The following RIF1 variants were observed in gnomAD, a reference collection of about 807,000 sequenced individuals.
The protein encoded by RIF1 is telomere-associated protein RIF1.
RIF1 carries 45 observed loss-of-function variants against 247.1 expected under a neutral mutation model. The observed-to-expected ratio is 0.18, with a 90% CI of 0.14 to 0.23. RIF1 has a LOEUF of 0.23. RIF1 is among the 10% of genes least tolerant of loss of function. The pLI, the probability that RIF1 is intolerant of heterozygous loss-of-function variation, is 1.00. For synonymous variants in RIF1, 1,087 were observed against 978.8 expected (o/e 1.11, Z -2.06); for missense variants, 2,967 against 2,862.5 (o/e 1.04, Z -0.83).
At chr2:151,455,467 T>A (rs1455509717) in intron 22 of RIF1, among the ~76,000 whole-genome samples, 1 of 152,220 alleles carries the variant, frequency 6.6e-6, no homozygotes. Flanking sequence ...CTTGGCATGC[T>A]GTTTTGCAAT....
At chr2:151,489,653 T>A (rs2054453688) in intron 9 of RIF1, among the ~76,000 whole-genome samples, 1 of 152,160 alleles carries the variant, frequency 6.6e-6, no homozygotes, top group Admixed American at 6.5e-5. Flanking sequence ...TGCATCAGCG[T>A]CCCAAAGTGC....
chr2:151,473,511 C>A (rs2048732610), intron 34 of RIF1, among the ~76,000 whole-genome samples: 2 of 151,890 alleles, frequency 1.3e-5, no homozygotes, highest in Admixed American at 6.6e-5. Flanking sequence ...AACTCCTGAC[C>A]TCAAGTGATC....
intron 10 of RIF1, chr2:151,498,344 G>A: frequency 6.5e-7 from 1 of 1,548,776 alleles, no homozygotes; most frequent in South Asian, 1.2e-5. Context: ...GGTTTTCTTT[G>A]TATAGCACCT....
At chr2:151,439,993 A>AAAAAT in intron 14 of RIF1, 34 bp from the exon 15 acceptor site, 1 of 881,134 alleles carries the variant, frequency 1.1e-6, no homozygotes, top group South Asian at 1.5e-5. Context: ...AAAAAAAAAA[A>AAAAAT]AAGAACTATA....
chr2:151,532,580 AG>A, the RIF1 span, among the ~76,000 whole-genome samples: 3 of 152,130 alleles, frequency 2.0e-5, no homozygotes, highest in East Asian at 5.8e-4. Context: ...CAACTATTTG[AG>A]GATCATATAA....
In RIF1 at chr2:151,456,573, C is replaced by T. The variant is rs759038710; in HGVS notation, c.2610-5C>T. Reference sequence around the variant, plus strand: ...ATAAATGGTATTCTATTTTATCCTTCCTAGGCTTGATGAAGTTCCTAAAGT... The same window carrying T: ...ATAAATGGTATTCTATTTTATCCTTTCTAGGCTTGATGAAGTTCCTAAAGT... On this transcript the variant is annotated splice_region_variant and splice_polypyrimidine_tract_variant and intron_variant, in intron 22 of 35. Transcript: ENST00000444746. The T allele has an allele frequency of 2.0e-6, 3 of 1,496,534 alleles. No individual in the cohort carries two copies. The Admixed American group carries it at 5.4e-5, about 27-fold the overall frequency. 92.7% of individuals were successfully genotyped at this position (1,496,534 alleles called of 1,614,324 possible). A position where few individuals can be genotyped will look rare whatever the true frequency, so the allele number is the denominator to read the frequency against.
rs2049153966 is a variant in RIF1, at chr2:151,481,187, G to A, written c.*6116G>A. 1.3e-5 allele frequency: 2 copies of A among 152,194 alleles called. No individual in the cohort carries two copies. The highest frequency in any genetic ancestry group is 4.1e-4 in the South Asian group (2 of 4,828). The allele number at this position is 152,194 out of a possible 1,614,324, so 9.4% of individuals were successfully genotyped here. On this transcript the variant is annotated 3_prime_UTR_variant, in exon 36 of 36. Transcript: ENST00000444746. ...AATCCCTTTTATGGAGGAAGGTTTT[G>A]CTCATGCATGGCATGTTAGTCAATT... is the stretch of plus-strand genomic sequence containing the variant.
the RIF1 span, chr2:151,526,110 G>C: frequency 6.2e-7 from 1 of 1,611,320 alleles, no homozygotes; most frequent in African/African-American, 1.3e-5. Context: ...ATCTGCCTGG[G>C]GCGTTCTCCC....
chr2:151,461,656 T>C (rs902610576), intron 27 of RIF1, among the ~76,000 whole-genome samples: 5 of 152,072 alleles, frequency 3.3e-5, no homozygotes, highest in Non-Finnish European at 7.4e-5. Context: ...CCTCCCAAAG[T>C]GCTGGGATTA....
At chr2:151,411,381 T>TG (rs1371023634) in intron 3 of RIF1, 43 bp downstream of exon 3, 2 of 1,284,500 alleles carry the variant, frequency 1.6e-6, no homozygotes, top group Non-Finnish European at 2.2e-6. Flanking sequence ...TTTGGTAGTT[T>TG]GGTTTTTTTT....
At chr2:151,489,338 A>G (rs1243829519) in intron 9 of RIF1, among the ~76,000 whole-genome samples, 1 of 152,192 alleles carries the variant, frequency 6.6e-6, no homozygotes, top group Non-Finnish European at 1.5e-5. Flanking sequence ...CCATTTCTAT[A>G]TATATTAATA....
intron 13 of RIF1, among the ~76,000 whole-genome samples, chr2:151,437,704 T>C (rs1035545180): frequency 7.2e-5 from 11 of 152,048 alleles, no homozygotes; most frequent in African/African-American, 2.7e-4. Flanking sequence ...ATAAAAAATA[T>C]GAAGATAAAA....
At chr2:151,518,863 C>G in the RIF1 span, 7 of 723,462 alleles carry the variant, frequency 9.7e-6, no homozygotes, top group Non-Finnish European at 1.7e-5. Flanking sequence ...TGTAATAAAT[C>G]TAGGGTATCA....
intron 8 of RIF1, among the ~76,000 whole-genome samples, chr2:151,427,077 C>CTG (rs1348404771): frequency 2.0e-5 from 3 of 146,964 alleles, no homozygotes; most frequent in African/African-American, 7.5e-5. Context: ...TTTTCTAAAC[C>CTG]TTTTTTTTTT....
At position 151,474,015 on chromosome 2, in the gene RIF1, A is replaced by G. The variant is rs769617850; in HGVS notation, c.7147A>G (p.Thr2383Ala). The change falls in exon 35 of 36, where the codon ACA (threonine) becomes GCA (alanine). Residue 2383 changes from threonine (T) to alanine (A), a missense_variant. This residue lies in a region of RIF1 where 151 missense variants were observed against 163.4 expected (regional missense o/e 0.92). Transcript: ENST00000444746. ...EIPVFDISEK[T>A]VNGIENKSLS... ...TCCAGTTTTTGATATTTCTGAAAAA[A>G]CAGTAAATGGAATAGAAAATAAATC... is the stretch of plus-strand genomic sequence containing the variant. 6.3e-7 allele frequency: 1 copy of G among 1,597,368 alleles called. No individual in the cohort carries two copies. The highest frequency in any genetic ancestry group is 8.6e-7 in the Non-Finnish European group (1 of 1,166,030).
At chr2:151,427,749 G>A (rs920392060) in intron 8 of RIF1, among the ~76,000 whole-genome samples, 3 of 149,386 alleles carry the variant, frequency 2.0e-5, no homozygotes, top group Admixed American at 6.8e-5. Flanking sequence ...GGCCAGCATG[G>A]CAAAACCTTG....
rs2152568703 is a variant in RIF1 at position 151,482,063 on chromosome 2, T to C, written c.*6992T>C. On this transcript the variant is annotated 3_prime_UTR_variant, in exon 36 of 36. Transcript: ENST00000444746. Reference sequence around the variant, plus strand: ...TCTATGTTTGATTCACAGTAAAACTTTTCATGAATCATTGAGGGTTAACTG... The same window carrying C: ...TCTATGTTTGATTCACAGTAAAACTCTTCATGAATCATTGAGGGTTAACTG... 1 of 152,340 alleles carries C rather than the reference T, an allele frequency of 6.6e-6. No homozygotes were observed. The highest frequency in any genetic ancestry group is 2.4e-5 in the African/African-American group (1 of 41,586). The allele number at this position is 152,340 out of a possible 1,614,324, so 9.4% of individuals were successfully genotyped here. A position where few individuals can be genotyped will look rare whatever the true frequency, so the allele number is the denominator to read the frequency against.
chr2:151,498,899 A>AAAAC (rs57867185), intron 10 of RIF1, among the ~76,000 whole-genome samples: 5 of 151,984 alleles, frequency 3.3e-5, no homozygotes, highest in Non-Finnish European at 7.4e-5. Context: ...GCTAAAAAAA[A>AAAAC]GAAACTTCAA....
chr2:151,506,940 C>T lies in RIF1; in HGVS notation c.*1027+565C>T, dbSNP rs369514998. ...GAAATTCTTCTGATTTTCTTTTACA[C>T]GCAGTATTTCTGGCGTGTCTTGAAC... On this transcript the variant is annotated intron_variant and NMD_transcript_variant, in intron 13 of 13. Transcript: ENST00000454583. 2.7e-5 allele frequency: 44 copies of T among 1,610,334 alleles called. No individual in the cohort carries two copies. In the South Asian group the frequency reaches 3.1e-4, roughly 11 times the overall value.
Sources: gnomAD v4.1 joint callset for allele counts (sites outside exome capture counted in the v4.1 genomes callset) on GRCh38, gnomAD v4.1.1 for gene constraint, gnomAD v4.1.1 regional missense constraint, MANE v1.5 for transcripts, NCBI Gene and HGNC (gene_info 2026-07-23, HGNC 2026-07-21) for gene names.